Variants in KIF1B observed in about 807,000 individuals in gnomAD.
KIF1B encodes kinesin-like protein KIF1B.
KIF1B carries 76 observed loss-of-function variants against 241.9 expected under a neutral mutation model. The observed-to-expected ratio is 0.31, with a 90% CI of 0.26 to 0.38. KIF1B has a LOEUF of 0.38. KIF1B is among the 10% of genes least tolerant of loss of function. The pLI, the probability that KIF1B is intolerant of heterozygous loss-of-function variation, is 1.00. For synonymous variants in KIF1B, 750 were observed against 796.7 expected (o/e 0.94, Z 0.99); for missense variants, 1,622 against 2,271.4 (o/e 0.71, Z 5.81).
intron 19 of KIF1B, among the ~76,000 whole-genome samples, chr1:10,296,276 A>G (rs1650258347): frequency 6.6e-6 from 1 of 152,144 alleles, no homozygotes; most frequent in Non-Finnish European, 1.5e-5. Flanking sequence ...CATCCTTACA[A>G]TTTCTGATGG....
At chr1:10,241,731 A>G (rs1453726701) in intron 2 of KIF1B, among the ~76,000 whole-genome samples, 2 of 152,006 alleles carry the variant, frequency 1.3e-5, no homozygotes, top group African/African-American at 4.8e-5. Context: ...TTGGTTTCTC[A>G]TAGGAGAAAG....
chr1:10,231,312 A>C (rs1646979159), intron 1 of KIF1B, among the ~76,000 whole-genome samples: 2 of 151,568 alleles, frequency 1.3e-5, no homozygotes, highest in African/African-American at 4.8e-5. Flanking sequence ...ATTTAATTAC[A>C]CAATATATAT....
At chr1:10,324,501 C>G (rs1479190666) in intron 25 of KIF1B, among the ~76,000 whole-genome samples, 1 of 152,086 alleles carries the variant, frequency 6.6e-6, no homozygotes. Flanking sequence ...ACAATATTCC[C>G]CCTTATGACT....
chr1:10,375,506 C>T lies in KIF1B; in HGVS notation c.5408+133C>T, dbSNP rs1412605650. 3.6e-5 allele frequency: 27 copies of T among 754,212 alleles called. No individual in the cohort carries two copies. In the Middle Eastern group the frequency reaches 1.4e-3, roughly 40 times the overall value. 46.7% of individuals were successfully genotyped at this position (754,212 alleles called of 1,614,324 possible). ...TCAAGCGATTCTCCTGACTCAGCCT[C>T]CCCAGTAGCTGAGACTACAGGCACG... On this transcript the variant is annotated intron_variant, in intron 48 of 48. Transcript: ENST00000676179.
intron 2 of KIF1B, among the ~76,000 whole-genome samples, chr1:10,248,878 T>C (rs1647294528): frequency 1.3e-5 from 2 of 152,016 alleles, no homozygotes; most frequent in African/African-American, 2.4e-5. Context: ...AGGTCTGGAG[T>C]ATGCTGTGTG....
chr1:10,281,850 C>T (rs78972383), intron 14 of KIF1B, among the ~76,000 whole-genome samples: 2,629 of 152,246 alleles, frequency 0.017, 84 homozygotes, highest in African/African-American at 0.06. Flanking sequence ...CTGAATTACA[C>T]GTAACACTGA....
Position 10,304,246 on chromosome 1 carries a change from G to A in KIF1B, c.2115+7000G>A, listed in dbSNP as rs1207381874. 5 of 1,614,010 alleles carry A rather than the reference G, an allele frequency of 3.1e-6. No homozygotes were observed. In the Admixed American group the frequency reaches 5.0e-5, roughly 16 times the overall value. On this transcript the variant is annotated intron_variant, in intron 22 of 48. Coordinates refer to ENST00000676179, the MANE Select transcript of KIF1B (RefSeq NM_001365951.3). Reference sequence around the variant, plus strand: ...TTTTAAGGATCCCCAGTTTCCATGGGGCTCTCAAGGAATGAGAAGTCAAGA... The same window carrying A: ...TTTTAAGGATCCCCAGTTTCCATGGAGCTCTCAAGGAATGAGAAGTCAAGA...
At chr1:10,224,413 G>A (rs1646885201) in intron 1 of KIF1B, among the ~76,000 whole-genome samples, 1 of 152,114 alleles carries the variant, frequency 6.6e-6, no homozygotes, top group Non-Finnish European at 1.5e-5. Context: ...GCCGTGCCCA[G>A]CCTGTTTTGT....
intron 31 of KIF1B, among the ~76,000 whole-genome samples, chr1:10,339,327 G>T (rs1279551988): frequency 6.6e-6 from 1 of 152,178 alleles, no homozygotes; most frequent in African/African-American, 2.4e-5. Context: ...AGGAAAGACT[G>T]CCTGGAAGAG....
chr1:10,267,331 G>A (rs1322002000), intron 5 of KIF1B, 49 bp from the exon 6 acceptor site: 2 of 1,572,808 alleles, frequency 1.3e-6, no homozygotes, highest in Non-Finnish European at 1.7e-6. Flanking sequence ...CCCGGCTTCT[G>A]TATGTGATTT....
intron 5 of KIF1B, among the ~76,000 whole-genome samples, chr1:10,264,635 A>G (rs1003623440): frequency 6.6e-6 from 1 of 152,164 alleles, no homozygotes; most frequent in African/African-American, 2.4e-5. Flanking sequence ...CTTTACTCTC[A>G]TAATAGATTA....
At chr1:10,332,012 A>G (rs1462935917) in intron 27 of KIF1B, among the ~76,000 whole-genome samples, 1 of 152,204 alleles carries the variant, frequency 6.6e-6, no homozygotes, top group Non-Finnish European at 1.5e-5. Context: ...CTCTAGGAGC[A>G]AACGCAAACC....
chr1:10,340,349 A>G (rs1158617339), intron 32 of KIF1B, among the ~76,000 whole-genome samples: 1 of 152,236 alleles, frequency 6.6e-6, no homozygotes, highest in Non-Finnish European at 1.5e-5. Flanking sequence ...GTAAGAAAAC[A>G]GACCCTTCCC....
At chr1:10,324,115 C>G (rs1651629528) in intron 25 of KIF1B, 53 bp downstream of exon 25, 1 of 1,386,660 alleles carries the variant, frequency 7.2e-7, no homozygotes, top group African/African-American at 1.4e-5. Context: ...TAACAATGAC[C>G]TGCTCAAGTG....
intron 5 of KIF1B, among the ~76,000 whole-genome samples, chr1:10,266,297 C>T (rs1002214968): frequency 2.6e-5 from 4 of 152,136 alleles, no homozygotes; most frequent in Admixed American, 6.5e-5. Flanking sequence ...GGACAGACCT[C>T]GCTGTTGGAA....
At chr1:10,325,959 A>C (rs1651706332) in intron 26 of KIF1B, 152 bp from the exon 27 acceptor site, 1 of 1,059,000 alleles carries the variant, frequency 9.4e-7, no homozygotes, top group Non-Finnish European at 1.4e-6. Context: ...GACCCAAATG[A>C]TTTATGCTTA....
intron 2 of KIF1B, among the ~76,000 whole-genome samples, chr1:10,238,014 A>G (rs1042045787): frequency 1.3e-5 from 2 of 152,118 alleles, no homozygotes; most frequent in East Asian, 3.8e-4. Context: ...GTTTCAGGAA[A>G]AAAGAAAGAA....
intron 2 of KIF1B, among the ~76,000 whole-genome samples, chr1:10,255,362 C>T (rs996128751): frequency 2.6e-5 from 4 of 151,876 alleles, no homozygotes; most frequent in South Asian, 4.2e-4. Context: ...GGCGGAGATG[C>T]GCAGATCACC....
intron 1 of KIF1B, among the ~76,000 whole-genome samples, chr1:10,221,719 A>G (rs185801274): frequency 4.6e-5 from 7 of 152,360 alleles, no homozygotes; most frequent in African/African-American, 1.7e-4. Flanking sequence ...TCTTTAAATT[A>G]TAATTCACAC....
Sources: allele counts gnomAD v4.1 joint callset (sites outside exome capture counted in the v4.1 genomes callset), GRCh38; gene constraint gnomAD v4.1.1; transcripts MANE v1.5; gene names NCBI Gene and HGNC (gene_info 2026-07-23, HGNC 2026-07-21).